MILR1: variants seen among roughly 807,000 people sequenced by gnomAD.
The protein encoded by MILR1 is allergin-1.
In MILR1, 31 loss-of-function variants were observed where a neutral mutation model predicts 18.5. The observed-to-expected ratio is 1.68, with a 90% CI of 1.26 to 2.26. The LOEUF is 2.26. Among genes scored for constraint, MILR1 ranks in the 30% most tolerant of loss-of-function variants. MILR1 has a pLI of 0.00. For synonymous variants in MILR1, 85 were observed against 56.2 expected, an observed-to-expected ratio of 1.51 and a Z score of -2.30; for missense variants, 257 against 157.4, an observed-to-expected ratio of 1.63 and a Z score of -3.38.
chr17:64,485,780 G>A, the MILR1 span: 6 of 1,612,576 alleles, frequency 3.7e-6, no homozygotes, highest in Non-Finnish European at 5.1e-6. Flanking sequence ...CAGCTGGAAA[G>A]AATCATAGAG....
chr17:64,465,494 C>T lies in MILR1; in HGVS notation c.806C>T (p.Thr269Ile). The change falls in exon 6 of 10, where the codon ACA becomes ATA. Residue 269 changes from threonine to isoleucine, a missense_variant. Physicochemically the swap from Thr to Ile is moderately conservative, Grantham distance 89. Coordinates refer to ENST00000619286, the MANE Select transcript of MILR1 (RefSeq NM_001085423.2). ...AATGTGCCCAGGGACCGTGGAGACA[C>T]AGCCATGGAAGTTGGAATCTATGCA... ...RNNVPRDRGD[T>I]AMEVGIYANI... 1 of 1,611,074 alleles carries T rather than the reference C, an allele frequency of 6.2e-7. No individual in the cohort carries two copies. Among genetic ancestry groups the T allele is most frequent in the African/African-American group, 1.3e-5 (1 of 75,004 alleles).
intron 3 of MILR1, among the ~76,000 whole-genome samples, chr17:64,454,724 T>C (rs1056238536): frequency 4.6e-5 from 7 of 152,318 alleles, no homozygotes; most frequent in East Asian, 1.9e-4. Flanking sequence ...CCAGGTGCGC[T>C]GTCTCACAGG....
chr17:64,472,207 G>A (rs184678290), downstream of MILR1, among the ~76,000 whole-genome samples: 17 of 151,952 alleles, frequency 1.1e-4, no homozygotes, highest in Admixed American at 3.9e-4. Flanking sequence ...GGGGCCGGGC[G>A]CAGTGGCTCA....
At chr17:64,487,463 A>C in the MILR1 span, 2 of 151,996 alleles carry the variant, frequency 1.3e-5, no homozygotes, top group Non-Finnish European at 2.9e-5. Context: ...AAAAGACAAA[A>C]ATTAGCTGGG....
chr17:64,497,047 GGA>G, the MILR1 span: 1 of 1,431,706 alleles, frequency 7.0e-7, no homozygotes. Flanking sequence ...AACAGAATCC[GGA>G]GAGGCCACGG....
chr17:64,457,664 C>CTG lies in MILR1; in HGVS notation c.634_635dup (p.Thr213SerfsTer15). On this transcript the variant is annotated frameshift_variant, in exon 4 of 10. Coordinates refer to ENST00000619286, the MANE Select transcript of MILR1 (RefSeq NM_001085423.2). LOFTEE classifies it high-confidence loss of function. ...CCTAACTATGCAACATACAGTCACCCTGTCACCATGCCCTCAACAGGTAAG... is the reference window on the plus strand; with the variant it reads ...CCTAACTATGCAACATACAGTCACCCTGTGTCACCATGCCCTCAACAGGTAAG... 1 of 474,938 alleles carries CTG rather than the reference C, an allele frequency of 2.1e-6. No individual in the cohort carries two copies. Among genetic ancestry groups the CTG allele is most frequent in the Admixed American group, 3.1e-5 (1 of 31,748 alleles). 29.4% of individuals were successfully genotyped at this position (474,938 alleles called of 1,614,324 possible).
the MILR1 span, among the ~76,000 whole-genome samples, chr17:64,494,812 A>T: frequency 1.3e-5 from 2 of 152,060 alleles, no homozygotes; most frequent in African/African-American, 4.8e-5. Flanking sequence ...TTTCAAACTC[A>T]CCTTGTACTT....
chr17:64,450,533 A>G (rs1401864435), intron 2 of MILR1, among the ~76,000 whole-genome samples: 1 of 151,322 alleles, frequency 6.6e-6, no homozygotes, highest in African/African-American at 2.4e-5. Context: ...AGGCTGGAGT[A>G]CAGTGGCACA....
chr17:64,492,591 T>C, the MILR1 span: 2 of 798,386 alleles, frequency 2.5e-6, no homozygotes, highest in Admixed American at 4.0e-5. Flanking sequence ...ATTTCTTGTA[T>C]GTCAGAAGAA....
At position 64,460,822 on chromosome 17, in the gene MILR1, G is replaced by A. The variant is rs1358402801; in HGVS notation, c.653G>A (p.Gly218Asp). The A allele has an allele frequency of 2.1e-6, 1 of 474,996 alleles. No homozygotes were observed. Among genetic ancestry groups the A allele is most frequent in the Non-Finnish European group, 3.9e-6 (1 of 258,828 alleles). The allele number at this position is 474,996 out of a possible 1,614,324, so 29.4% of individuals were successfully genotyped here. Residue 218 changes from glycine to aspartate, a missense_variant and splice_region_variant, in exon 5 of 10, where the codon GGC (glycine) becomes GAC (aspartate). By Grantham distance (94) the Gly-to-Asp change is moderately conservative. Transcript: ENST00000619286. ...ACCAATGGATGCGGTCTTCTTCCAG[G>A]CGGAGACAGCTGTCCTTTCTGTCTG... ...YSHPVTMPST[G>D]GDSCPFCLKL... is the part of the protein sequence containing the mutation.
chr17:64,497,106 C>T, the MILR1 span: 16 of 864,112 alleles, frequency 1.9e-5, no homozygotes, highest in South Asian at 1.6e-4. Context: ...CAGGCCCCAC[C>T]CCGGAAGCGC....
At chr17:64,490,904 G>C in the MILR1 span, 1 of 1,613,774 alleles carries the variant, frequency 6.2e-7, no homozygotes, top group Non-Finnish European at 8.5e-7. Context: ...AGTAAAGTTT[G>C]TTTCCTTTCC....
intron 2 of MILR1, among the ~76,000 whole-genome samples, chr17:64,450,834 G>A (rs1038462314): frequency 2.0e-4 from 30 of 152,198 alleles, no homozygotes; most frequent in African/African-American, 7.0e-4. Flanking sequence ...GCCATGATTC[G>A]TTTAACCATC....
chr17:64,475,981 T>C, the MILR1 span, among the ~76,000 whole-genome samples: 1 of 151,422 alleles, frequency 6.6e-6, no homozygotes, highest in Non-Finnish European at 1.5e-5. Flanking sequence ...GCCCAGCTAA[T>C]TTTTTGTATT....
intron 3 of MILR1, 116 bp downstream of exon 3, chr17:64,452,982 C>T (rs1301063922): frequency 3.1e-5 from 13 of 413,704 alleles, no homozygotes; most frequent in Admixed American, 1.3e-4. Context: ...TATGTTACTG[C>T]GAGCTTTATT....
At chr17:64,495,390 G>A in the MILR1 span, among the ~76,000 whole-genome samples, 39 of 152,128 alleles carry the variant, frequency 2.6e-4, no homozygotes, top group South Asian at 6.0e-3. Context: ...GACCAGCCTG[G>A]ACAACATGGC....
the MILR1 span, chr17:64,482,999 C>T: frequency 1.3e-6 from 2 of 1,571,036 alleles, no homozygotes; most frequent in East Asian, 4.5e-5. Context: ...AGTTTAAGTA[C>T]CTAAGGCAAT....
the MILR1 span, among the ~76,000 whole-genome samples, chr17:64,478,961 C>T: frequency 6.6e-6 from 1 of 152,008 alleles, no homozygotes; most frequent in Non-Finnish European, 1.5e-5. Context: ...AAACATAGTA[C>T]GTGTTTAATA....
chr17:64,488,899 C>T, the MILR1 span, among the ~76,000 whole-genome samples: 41 of 152,056 alleles, frequency 2.7e-4, no homozygotes, highest in Middle Eastern at 3.4e-3. Context: ...ACCTGGGAAT[C>T]GCGACACTGC....
Sources: allele counts gnomAD v4.1 joint callset (sites outside exome capture counted in the v4.1 genomes callset), GRCh38; gene constraint gnomAD v4.1.1; transcripts MANE v1.5; gene names NCBI Gene and HGNC (gene_info 2026-07-23, HGNC 2026-07-21).